The following PDE8B variants were observed in gnomAD, a reference collection of about 807,000 sequenced individuals.
PDE8B encodes phosphodiesterase 8B, also known as high affinity cAMP-specific and IBMX-insensitive 3',5'-cyclic phosphodiesterase 8B.
PDE8B carries 26 observed loss-of-function variants against 101.3 expected under a neutral mutation model. That is an observed-to-expected ratio of 0.26 (90% CI 0.19 to 0.36). The LOEUF is 0.36. PDE8B is among the 10% of genes least tolerant of loss of function. The pLI, the probability that PDE8B is intolerant of heterozygous loss-of-function variation, is 1.00. For missense variants in PDE8B, 810 were observed against 1,163.1 expected, an observed-to-expected ratio of 0.70 and a Z score of 4.42; for synonymous variants, 424 against 429.3, an observed-to-expected ratio of 0.99 and a Z score of 0.15.
At chr5:77,225,038 GT>G (rs1752030664) in intron 1 of PDE8B, among the ~76,000 whole-genome samples, 1 of 152,078 alleles carries the variant, frequency 6.6e-6, no homozygotes, top group Non-Finnish European at 1.5e-5. Context: ...GTCTGGTTGT[GT>G]CTCTTGGAGA....
intron 1 of PDE8B, chr5:77,246,893 T>C (rs1196065036): frequency 6.6e-6 from 1 of 152,234 alleles, no homozygotes; most frequent in Non-Finnish European, 1.5e-5. Flanking sequence ...TCCACCTGTG[T>C]GACCTTAACT....
In PDE8B at chr5:77,404,774, C is replaced by T. The variant is rs773535274; in HGVS notation, c.1265C>T (p.Ser422Leu). The change falls in exon 12 of 22, where the codon TCG becomes TTG. Residue 422 changes from serine to leucine, a missense_variant. Transcript: ENST00000264917. The part of the protein sequence containing the change: ...NRRKESIDVK[S>L]ISSRGSDAPS... ...AGGAAAGAGTCCATTGACGTGAAAT[C>T]GATATCATCTCGAGGCAGTGATGGT... is the stretch of plus-strand genomic sequence containing the variant. The T allele has an allele frequency of 1.9e-6, 3 of 1,601,966 alleles. No homozygotes were observed. The highest frequency in any genetic ancestry group is 1.7e-5 in the Admixed American group (1 of 60,008).
intron 10 of PDE8B, among the ~76,000 whole-genome samples, chr5:77,378,009 T>TACACACACACAACACAC (rs1786534867): frequency 1.5e-5 from 2 of 134,392 alleles, no homozygotes; most frequent in African/African-American, 5.9e-5. Flanking sequence ...CCTCTCTCTC[T>TACACACACACAACACAC]ACACACACAC....
chr5:77,368,594 ACAGGTCATCC>A (rs1222931001), intron 10 of PDE8B, among the ~76,000 whole-genome samples: 1 of 152,182 alleles, frequency 6.6e-6, no homozygotes, highest in African/African-American at 2.4e-5. Context: ...GTCTCACTAC[ACAGGTCATCC>A]CAGGCAGCAT....
In PDE8B at chr5:77,419,945, C is replaced by T. The variant is rs575240637; in HGVS notation, c.2250+58C>T. ...CCAAGTACATTTCCATAAGAGCCTG[C>T]TCTGGCCCTGAAGCATTTTCTCTCC... On this transcript the variant is annotated intron_variant, in intron 19 of 21. Transcript: ENST00000264917. The T allele has an allele frequency of 4.8e-5, 76 of 1,596,236 alleles. No individual in the cohort carries two copies. The South Asian group carries it at 8.0e-4, about 17-fold the overall frequency.
chr5:77,408,758 G>A (rs964281336), intron 13 of PDE8B, 135 bp from the exon 14 acceptor site: 11 of 745,954 alleles, frequency 1.5e-5, no homozygotes, highest in African/African-American at 8.7e-5. Context: ...GAAGAAGGGC[G>A]GTGCCGTGAA....
intron 1 of PDE8B, among the ~76,000 whole-genome samples, chr5:77,250,834 G>A (rs1034132986): frequency 6.6e-6 from 1 of 152,164 alleles, no homozygotes; most frequent in Non-Finnish European, 1.5e-5. Context: ...TGTGAGGAGG[G>A]GATGCAAAAG....
intron 1 of PDE8B, among the ~76,000 whole-genome samples, chr5:77,288,335 G>C (rs1374715715): frequency 6.6e-6 from 1 of 152,198 alleles, no homozygotes; most frequent in Non-Finnish European, 1.5e-5. Context: ...GGAATTGTCA[G>C]TGGCCTTCAG....
chr5:77,191,243 A>G, the PDE8B span, among the ~76,000 whole-genome samples: 13 of 151,692 alleles, frequency 8.6e-5, 1 homozygote, highest in Admixed American at 8.5e-4. Flanking sequence ...GACAGTTAGG[A>G]CTTCAACTTA....
chr5:77,246,295 T>TG (rs1159147129), intron 1 of PDE8B, among the ~76,000 whole-genome samples: 4 of 152,110 alleles, frequency 2.6e-5, no homozygotes, highest in African/African-American at 7.2e-5. Flanking sequence ...CTTGTGGGCG[T>TG]GGGGGGTTCC....
chr5:77,217,599 G>A (rs1750074769), intron 1 of PDE8B, among the ~76,000 whole-genome samples: 1 of 151,414 alleles, frequency 6.6e-6, no homozygotes, highest in Non-Finnish European at 1.5e-5. Context: ...GCAATGGTGT[G>A]ATCTCAGCTA....
At chr5:77,226,577 A>G (rs1178828786) in intron 1 of PDE8B, among the ~76,000 whole-genome samples, 2 of 152,226 alleles carry the variant, frequency 1.3e-5, no homozygotes, top group African/African-American at 2.4e-5. Context: ...TTCATATCAT[A>G]CAGTCTAATT....
the PDE8B span, among the ~76,000 whole-genome samples, chr5:77,128,958 G>A: frequency 5.3e-4 from 80 of 152,122 alleles, no homozygotes; most frequent in Non-Finnish European, 8.7e-4. Flanking sequence ...ACTTATTAAC[G>A]TCCTTCCCTT....
intron 1 of PDE8B, among the ~76,000 whole-genome samples, chr5:77,248,547 C>T (rs1320057230): frequency 6.6e-6 from 1 of 152,140 alleles, no homozygotes; most frequent in African/African-American, 2.4e-5. Context: ...TATACCTTAT[C>T]ACTACAGGGA....
chr5:77,157,894 C>G, the PDE8B span, among the ~76,000 whole-genome samples: 1 of 152,198 alleles, frequency 6.6e-6, no homozygotes, highest in Non-Finnish European at 1.5e-5. Flanking sequence ...GCATCCCTCT[C>G]TCTAGTTACT....
intron 10 of PDE8B, among the ~76,000 whole-genome samples, chr5:77,380,962 G>A (rs1435910936): frequency 6.6e-6 from 1 of 152,194 alleles, no homozygotes; most frequent in Admixed American, 6.5e-5. Context: ...AAGCAGTGGA[G>A]CTGCAAGTAC....
At chr5:77,372,767 A>G (rs6897771) in intron 10 of PDE8B, among the ~76,000 whole-genome samples, 101,567 of 152,082 alleles carry the variant, frequency 0.67, 34,465 homozygotes, top group African/African-American at 0.79. Context: ...GTGTAAGGCC[A>G]GGTGTCGTGG....
chr5:77,234,529 A>C (rs1754285850), intron 1 of PDE8B, among the ~76,000 whole-genome samples: 1 of 152,196 alleles, frequency 6.6e-6, no homozygotes, highest in South Asian at 2.1e-4. Flanking sequence ...ACCGAACCTC[A>C]GAGATGACAG....
At chr5:77,296,065 GTGACTACTCC>G in intron 1 of PDE8B, among the ~76,000 whole-genome samples, 1 of 152,272 alleles carries the variant, frequency 6.6e-6, no homozygotes, top group South Asian at 2.1e-4. Flanking sequence ...TCCAAGTCAC[GTGACTACTCC>G]TAACCAATTG....
Sources: allele counts gnomAD v4.1 joint callset (sites outside exome capture counted in the v4.1 genomes callset), GRCh38; gene constraint gnomAD v4.1.1; transcripts MANE v1.5; gene names NCBI Gene and HGNC (gene_info 2026-07-23, HGNC 2026-07-21).